The following RGPD2 variants were observed in gnomAD, a reference collection of about 807,000 sequenced individuals.
RGPD2 encodes the protein RANBP2 like and GRIP domain containing 2.
A neutral mutation model predicts 36.0 loss-of-function variants in RGPD2; 2 were observed. The ratio of observed to expected loss-of-function variants is 0.06; its 90% confidence interval spans 0.02 to 0.17. The LOEUF (loss-of-function observed/expected upper bound fraction) is 0.17, where lower values mean the gene tolerates loss of function less well. RGPD2 is among the 10% of genes least tolerant of loss of function. The pLI, the probability that RGPD2 is intolerant of heterozygous loss-of-function variation, is 1.00. For synonymous variants in RGPD2, 19 were observed against 163.8 expected, an observed-to-expected ratio of 0.12 and a Z score of 6.75; for missense variants, 40 against 464.3, an observed-to-expected ratio of 0.09 and a Z score of 8.40.
At chr2:87,932,881 C>T in the RGPD2 span, among the ~76,000 whole-genome samples, 1 of 147,060 alleles carries the variant, frequency 6.8e-6, no homozygotes, top group Non-Finnish European at 1.5e-5. Flanking sequence ...CTGCCTTTAA[C>T]ATTTTTTCTT....
chr2:87,906,693 A>C, the RGPD2 span, among the ~76,000 whole-genome samples: 1 of 150,378 alleles, frequency 6.6e-6, no homozygotes, highest in African/African-American at 2.4e-5. Context: ...GCATTAGTAC[A>C]CCTAAATCAC....
the RGPD2 span, among the ~76,000 whole-genome samples, chr2:87,900,582 GAAT>G: frequency 8.5e-6 from 1 of 117,966 alleles, no homozygotes; most frequent in African/African-American, 3.3e-5. Flanking sequence ...TATTTCCTCT[GAAT>G]ACCAAGGACA....
intron 20 of RGPD2, among the ~76,000 whole-genome samples, chr2:87,781,564 G>A (rs1345084619): frequency 6.7e-6 from 1 of 149,744 alleles, no homozygotes; most frequent in Non-Finnish European, 1.5e-5. Flanking sequence ...GTGCTCAAGC[G>A]ATCCACCTGC....
intron 6 of RGPD2, among the ~76,000 whole-genome samples, chr2:87,809,497 T>C (rs1188438832): frequency 7.3e-6 from 1 of 136,394 alleles, no homozygotes; most frequent in Non-Finnish European, 1.6e-5. Flanking sequence ...TGACACTCCG[T>C]CTCTACTAAA....
chr2:87,841,268 G>A, the RGPD2 span, among the ~76,000 whole-genome samples: 110 of 151,678 alleles, frequency 7.3e-4, no homozygotes, highest in African/African-American at 2.4e-3. Flanking sequence ...CCCTCCTCCC[G>A]CTTCACCTTT....
At chr2:87,961,129 A>G in the RGPD2 span, among the ~76,000 whole-genome samples, 1 of 152,122 alleles carries the variant, frequency 6.6e-6, no homozygotes, top group Non-Finnish European at 1.5e-5. Context: ...ACCATCTCAT[A>G]TAGAAACAAA....
chr2:87,984,713 G>A, the RGPD2 span, among the ~76,000 whole-genome samples: 1 of 147,696 alleles, frequency 6.8e-6, no homozygotes, highest in Non-Finnish European at 1.5e-5. Flanking sequence ...GGCAGATCAC[G>A]AGGTCAGGAG....
rs1177602186 is a variant in RGPD2, at chr2:87,815,501, T to C, written c.402+768A>G. Among the ~76,000 whole-genome samples the C allele has an allele frequency of 4.5e-3, 24 of 5,302 alleles. 1 individual carries two copies. Among genetic ancestry groups the C allele is most frequent in the Non-Finnish European group, 2.6e-3 (6 of 2,286 alleles). The allele number at this position is 5,302 out of a possible 152,430, so 3.5% of individuals were successfully genotyped here. On this transcript the variant is annotated intron_variant, in intron 4 of 22. Coordinates refer to ENST00000398146, the MANE Select transcript of RGPD2 (RefSeq NM_001078170.3). ...GATCTTTCTGTGCAATCTTTGCAAC[T>C]TCCTGTGCAAAAAAATCTATAATTA...
chr2:87,915,495 G>A, the RGPD2 span, among the ~76,000 whole-genome samples: 16 of 133,200 alleles, frequency 1.2e-4, no homozygotes, highest in East Asian at 8.6e-4. Context: ...GTGTATATAC[G>A]TATATATACA....
At chr2:87,769,392 C>A (rs1179574019) in intron 22 of RGPD2, among the ~76,000 whole-genome samples, 5 of 151,934 alleles carry the variant, frequency 3.3e-5, no homozygotes, top group Admixed American at 3.3e-4. Context: ...AGGAAATAAT[C>A]TTTAAAGGGC....
chr2:87,866,986 C>A, the RGPD2 span, among the ~76,000 whole-genome samples: 1 of 152,054 alleles, frequency 6.6e-6, no homozygotes, highest in Non-Finnish European at 1.5e-5. Flanking sequence ...GATTTTTTTT[C>A]TTTTTCCTTT....
chr2:87,961,566 G>A, the RGPD2 span, among the ~76,000 whole-genome samples: 1 of 151,244 alleles, frequency 6.6e-6, no homozygotes, highest in Non-Finnish European at 1.5e-5. Context: ...CCCGGGCGTG[G>A]AGGTGGGCCC....
the RGPD2 span, among the ~76,000 whole-genome samples, chr2:87,875,756 C>T: frequency 5.3e-5 from 8 of 152,258 alleles, no homozygotes; most frequent in African/African-American, 7.2e-5. Context: ...AGGGGAGTCC[C>T]TCAATTGTTT....
chr2:87,962,717 G>A, the RGPD2 span, among the ~76,000 whole-genome samples: 1 of 152,078 alleles, frequency 6.6e-6, no homozygotes, highest in African/African-American at 2.4e-5. Flanking sequence ...TACTCCAAAG[G>A]CAGAGGGGGA....
At chr2:87,915,531 T>C in the RGPD2 span, among the ~76,000 whole-genome samples, 43 of 143,258 alleles carry the variant, frequency 3.0e-4, no homozygotes, top group African/African-American at 1.1e-3. Flanking sequence ...TATATATACA[T>C]ATATACACAT....
chr2:87,916,665 C>T, the RGPD2 span, among the ~76,000 whole-genome samples: 2 of 151,652 alleles, frequency 1.3e-5, no homozygotes, highest in South Asian at 2.1e-4. Context: ...TTCTCCTGCT[C>T]CAGTCACGCG....
At chr2:87,824,745 C>CGCG (rs1558738294) in intron 1 of RGPD2, among the ~76,000 whole-genome samples, 1 of 86,900 alleles carries the variant, frequency 1.2e-5, no homozygotes, top group Non-Finnish European at 2.4e-5. Context: ...AGGCCGAGGC[C>CGCG]GCCGCCGCCG....
At chr2:87,824,785 CG>C (rs1558738459) in intron 1 of RGPD2, among the ~76,000 whole-genome samples, 8 of 29,016 alleles carry the variant, frequency 2.8e-4, no homozygotes, top group Admixed American at 1.3e-3. Flanking sequence ...AGGCCGAGGC[CG>C]AGGCCGAGGC....
the RGPD2 span, among the ~76,000 whole-genome samples, chr2:87,915,771 A>T: frequency 6.6e-6 from 1 of 150,622 alleles, no homozygotes; most frequent in Non-Finnish European, 1.5e-5. Flanking sequence ...ACAGCAATGT[A>T]CATAACTCTA....
Sources: allele counts gnomAD v4.1 joint callset (sites outside exome capture counted in the v4.1 genomes callset), GRCh38; gene constraint gnomAD v4.1.1; transcripts MANE v1.5; gene names NCBI Gene and HGNC (gene_info 2026-07-23, HGNC 2026-07-21).